Variants in KLHL1 observed in about 807,000 individuals in gnomAD.
KLHL1 encodes the protein kelch-like protein 1.
Under a neutral mutation model 77.7 loss-of-function variants are expected in KLHL1, and 47 were observed. The ratio of observed to expected loss-of-function variants is 0.60; its 90% CI spans 0.48 to 0.77. KLHL1 has a LOEUF of 0.77. Ranked by LOEUF, KLHL1 falls within the 30% of genes least tolerant of loss-of-function variation. The pLI, the probability that KLHL1 is intolerant of heterozygous loss-of-function variation, is 0.00. For synonymous variants in KLHL1, 360 were observed against 325.2 expected, an observed-to-expected ratio of 1.11 and a Z score of -1.15; for missense variants, 925 against 910.8, an observed-to-expected ratio of 1.02 and a Z score of -0.20.
intron 5 of KLHL1, among the ~76,000 whole-genome samples, chr13:69,873,897 T>C (rs1254648883): frequency 1.3e-5 from 2 of 152,126 alleles, no homozygotes; most frequent in East Asian, 3.9e-4. Flanking sequence ...CTCAAAAATA[T>C]AGTTGTAAGA....
At chr13:70,014,226 TTTG>T (rs2094718652) in intron 1 of KLHL1, among the ~76,000 whole-genome samples, 1 of 152,118 alleles carries the variant, frequency 6.6e-6, no homozygotes, top group Admixed American at 6.5e-5. Flanking sequence ...CTGAAATGAA[TTTG>T]TTATTTCTAG....
At chr13:69,740,130 G>C (rs1010418224) in intron 8 of KLHL1, among the ~76,000 whole-genome samples, 4 of 152,038 alleles carry the variant, frequency 2.6e-5, no homozygotes, top group African/African-American at 9.7e-5. Flanking sequence ...TTTTTTGAAG[G>C]CTACTCAACT....
intron 4 of KLHL1, among the ~76,000 whole-genome samples, chr13:69,919,816 A>T (rs534997093): frequency 1.3e-5 from 2 of 152,320 alleles, no homozygotes; most frequent in South Asian, 4.1e-4. Flanking sequence ...AGTAAAAAAT[A>T]AAAATAAAAA....
At chr13:70,107,125 T>C (rs1466441788) in intron 1 of KLHL1, 78 bp downstream of exon 1, 3 of 1,514,414 alleles carry the variant, frequency 2.0e-6, no homozygotes, top group Non-Finnish European at 2.7e-6. Flanking sequence ...ATTTTAGACT[T>C]AGTAGCCACA....
Position 69,707,559 on chromosome 13 carries a change from C to A in KLHL1, c.2187+66G>T, listed in dbSNP as rs567350854. 6 of 1,463,366 alleles carry A rather than the reference C, an allele frequency of 4.1e-6. No homozygotes were observed. The South Asian group carries it at 8.0e-5, about 20-fold the overall frequency. The allele number at this position is 1,463,366 out of a possible 1,614,324, so 90.6% of individuals were successfully genotyped here. ...ACTAGATTACTGTTTGTATACCCCT[C>A]CTCCACAGAAAGTAAATGAAATAAA... On this transcript the variant is annotated intron_variant, in intron 10 of 10. Coordinates refer to ENST00000377844, the MANE Select transcript of KLHL1 (RefSeq NM_020866.3).
chr13:70,057,503 G>A (rs570407542), intron 1 of KLHL1, among the ~76,000 whole-genome samples: 8 of 145,328 alleles, frequency 5.5e-5, no homozygotes, highest in African/African-American at 1.3e-4. Context: ...GAGGCCGGGC[G>A]CGGTGGCTCA....
At chr13:69,941,124 T>C (rs1019307434) in intron 3 of KLHL1, among the ~76,000 whole-genome samples, 2 of 152,014 alleles carry the variant, frequency 1.3e-5, no homozygotes, top group Non-Finnish European at 2.9e-5. Context: ...TTAACAAATA[T>C]TTACAGAACA....
At chr13:70,104,698 G>T (rs1888008158) in intron 1 of KLHL1, among the ~76,000 whole-genome samples, 1 of 152,034 alleles carries the variant, frequency 6.6e-6, no homozygotes, top group Admixed American at 6.6e-5. Flanking sequence ...ATATGATAAT[G>T]ACCTAAGTGA....
intron 3 of KLHL1, among the ~76,000 whole-genome samples, chr13:69,945,154 T>G (rs148648253): frequency 1.5e-4 from 23 of 151,592 alleles, no homozygotes; most frequent in Admixed American, 1.2e-3. Flanking sequence ...CCCAGCTAAT[T>G]TTTTGTATGT....
At chr13:69,941,396 C>G (rs907233880) in intron 3 of KLHL1, among the ~76,000 whole-genome samples, 9 of 152,094 alleles carry the variant, frequency 5.9e-5, no homozygotes, top group Non-Finnish European at 1.2e-4. Flanking sequence ...ATTCTTTGAT[C>G]TGAATGATAA....
Position 69,710,639 on chromosome 13 carries a change from C to T in KLHL1, c.2016-2843G>A, listed in dbSNP as rs1244640128. ...AGGAACTCAGGGATTCACCTCTCAG[C>T]ATGGGACATACAAAGTTATTATCCC... On this transcript the variant is annotated intron_variant, in intron 9 of 10. Coordinates refer to ENST00000377844, the MANE Select transcript of KLHL1 (RefSeq NM_020866.3). 3.3e-5 allele frequency among the ~76,000 whole-genome samples: 5 copies of T among 152,164 alleles called. No individual in the cohort carries two copies. In the East Asian group the frequency reaches 9.6e-4, roughly 29 times the overall value.
At chr13:69,942,515 T>C (rs1883396660) in intron 3 of KLHL1, among the ~76,000 whole-genome samples, 1 of 152,114 alleles carries the variant, frequency 6.6e-6, no homozygotes, top group Non-Finnish European at 1.5e-5. Flanking sequence ...TCAAAACTTT[T>C]GGACAGAATA....
At chr13:70,020,897 A>G (rs1409822762) in intron 1 of KLHL1, among the ~76,000 whole-genome samples, 1 of 152,062 alleles carries the variant, frequency 6.6e-6, no homozygotes, top group African/African-American at 2.4e-5. Flanking sequence ...CACTGCATGC[A>G]ATACAAAGCT....
At chr13:69,994,819 T>A (rs188495622) in intron 1 of KLHL1, among the ~76,000 whole-genome samples, 63 of 152,198 alleles carry the variant, frequency 4.1e-4, no homozygotes, top group Admixed American at 2.4e-3. Context: ...AAAATTTTTT[T>A]AAAAAATACT....
chr13:69,785,357 A>G (rs1470662809), intron 7 of KLHL1, among the ~76,000 whole-genome samples: 9 of 152,172 alleles, frequency 5.9e-5, no homozygotes, highest in East Asian at 3.8e-4. Context: ...AAACTCACTC[A>G]AAACCACTCA....
intron 7 of KLHL1, among the ~76,000 whole-genome samples, chr13:69,784,193 A>T (rs550796835): frequency 1.3e-5 from 2 of 152,316 alleles, no homozygotes; most frequent in African/African-American, 2.4e-5. Context: ...AGCACTAAAC[A>T]TGGAAAGGAA....
intron 7 of KLHL1, among the ~76,000 whole-genome samples, chr13:69,749,938 T>C (rs572163761): frequency 1.3e-5 from 2 of 151,926 alleles, no homozygotes; most frequent in African/African-American, 4.8e-5. Context: ...TGCAAAATAA[T>C]AACAATGAAA....
chr13:69,945,536 G>T (rs1305214595), intron 3 of KLHL1, among the ~76,000 whole-genome samples: 3 of 151,246 alleles, frequency 2.0e-5, no homozygotes, highest in Non-Finnish European at 4.4e-5. Context: ...AAAAAAGTTT[G>T]CAAATCATAT....
chr13:69,950,833 AGACTT>A (rs1883685897), intron 3 of KLHL1, among the ~76,000 whole-genome samples: 1 of 151,618 alleles, frequency 6.6e-6, no homozygotes, highest in Non-Finnish European at 1.5e-5. Flanking sequence ...AAATTATTAG[AGACTT>A]GTGCTCCTGG....
Sources: gnomAD v4.1 joint callset for allele counts (sites outside exome capture counted in the v4.1 genomes callset) on GRCh38, gnomAD v4.1.1 for gene constraint, MANE v1.5 for transcripts, NCBI Gene and HGNC (gene_info 2026-07-23, HGNC 2026-07-21) for gene names.